The following PDE3A variants were observed in gnomAD, a reference collection of about 807,000 sequenced individuals.
The protein encoded by PDE3A is phosphodiesterase 3A.
Under a neutral mutation model 98.3 loss-of-function variants are expected in PDE3A, and 43 were observed. The observed-to-expected ratio is 0.44, with a 90% confidence interval of 0.34 to 0.56. PDE3A has a LOEUF of 0.56. Among genes scored for constraint, PDE3A ranks in the 20% least tolerant of loss-of-function variants. PDE3A has a pLI of 0.01. For missense variants in PDE3A, 1,427 were observed against 1,440.7 expected (o/e 0.99, Z 0.15); for synonymous variants, 663 against 567.9 (o/e 1.17, Z -2.38).
intron 1 of PDE3A, among the ~76,000 whole-genome samples, chr12:20,485,707 A>G (rs1228157405): frequency 6.6e-6 from 1 of 152,226 alleles, no homozygotes; most frequent in African/African-American, 2.4e-5. Flanking sequence ...CAATGTTCTT[A>G]TAACCTTCTG....
At chr12:20,599,985 C>G (rs1364323311) in intron 2 of PDE3A, among the ~76,000 whole-genome samples, 2 of 152,170 alleles carry the variant, frequency 1.3e-5, no homozygotes, top group African/African-American at 2.4e-5. Flanking sequence ...CCACTGCTGA[C>G]CACTCCTTGC....
Position 20,654,146 on chromosome 12 carries a change from A to G in PDE3A, c.3125A>G (p.Glu1042Gly). 1 of 1,614,108 alleles carries G rather than the reference A, an allele frequency of 6.2e-7. No individual in the cohort carries two copies. Among genetic ancestry groups the G allele is most frequent in the Non-Finnish European group, 8.5e-7 (1 of 1,179,946 alleles). The change falls in exon 15 of 16, where the codon GAG becomes GGG. Residue 1042 changes from glutamate to glycine, a missense_variant. This residue lies in a region of PDE3A where 142 missense variants were observed against 133.9 expected (regional missense o/e 1.06). Transcript: ENST00000359062. The part of the protein sequence containing the change: ...ESGDTDDPEE[E>G]EEEAPAPNEE... ...GGAGATACTGATGACCCAGAAGAAG[A>G]GGAGGAAGAAGCACCAGCACCAAAT...
intron 15 of PDE3A, among the ~76,000 whole-genome samples, chr12:20,677,010 G>A (rs1194616754): frequency 6.6e-6 from 1 of 152,094 alleles, no homozygotes; most frequent in Non-Finnish European, 1.5e-5. Flanking sequence ...AATATGTCAT[G>A]CAAGCTTTGT....
chr12:20,465,188 C>T (rs1400467394), intron 1 of PDE3A, among the ~76,000 whole-genome samples: 1 of 152,088 alleles, frequency 6.6e-6, no homozygotes, highest in Non-Finnish European at 1.5e-5. Context: ...GGTTGCTTAA[C>T]AATTTCTTCT....
rs548662797 is a variant in PDE3A at position 20,685,723 on chromosome 12, G to T, written c.*5452G>T. ...CACACATTGGTATCCTTGGGTTTCT[G>T]CTTCCTTGAAAAGTTGTGGAGCACA... On this transcript the variant is annotated 3_prime_UTR_variant, in exon 16 of 16. Coordinates refer to ENST00000359062, the MANE Select transcript of PDE3A (RefSeq NM_000921.5). 6.6e-6 allele frequency among the ~76,000 whole-genome samples: 1 copy of T among 152,232 alleles called. No individual in the cohort carries two copies. The highest frequency in any genetic ancestry group is 6.5e-5 in the Admixed American group (1 of 15,280).
chr12:20,380,135 C>T (rs796870398), intron 1 of PDE3A, among the ~76,000 whole-genome samples: 3 of 151,980 alleles, frequency 2.0e-5, no homozygotes, highest in African/African-American at 7.2e-5. Context: ...TAGTAGTCTG[C>T]ATTCTTGTTA....
intron 1 of PDE3A, chr12:20,551,585 A>G: frequency 6.5e-7 from 1 of 1,544,748 alleles, no homozygotes; most frequent in Non-Finnish European, 8.8e-7. Context: ...TGCGCCTGCC[A>G]CCTGTGCGGG....
At chr12:20,553,958 A>G (rs1042423306) in intron 1 of PDE3A, among the ~76,000 whole-genome samples, 3 of 151,788 alleles carry the variant, frequency 2.0e-5, no homozygotes, top group South Asian at 2.1e-4. Context: ...TTTTTAACTC[A>G]GCAAGTGAGA....
At chr12:20,476,575 A>G (rs1945535472) in intron 1 of PDE3A, among the ~76,000 whole-genome samples, 1 of 152,230 alleles carries the variant, frequency 6.6e-6, no homozygotes, top group South Asian at 2.1e-4. Context: ...ATTATTGCCT[A>G]TTCCATCTTG....
rs573312520 is a variant in PDE3A, at chr12:20,385,731, T to C, written c.960+15487T>C. ...ACATATTCTCACTCATAGGTGGGAA[T>C]TGAACAATAAGAACACTTGGACACA... is the stretch of plus-strand genomic sequence containing the variant. On this transcript the variant is annotated intron_variant, in intron 1 of 15. Transcript: ENST00000359062. Among the ~76,000 whole-genome samples, 18 of 150,644 alleles carry C rather than the reference T, an allele frequency of 1.2e-4. No homozygotes were observed. In the East Asian group the frequency reaches 1.8e-3, roughly 15 times the overall value.
chr12:20,377,655 C>T (rs1359047958), intron 1 of PDE3A, among the ~76,000 whole-genome samples: 1 of 151,776 alleles, frequency 6.6e-6, no homozygotes, highest in Non-Finnish European at 1.5e-5. Context: ...CTTGATAGCT[C>T]ATTTTTGTAC....
chr12:20,436,190 G>A (rs1944776127), intron 1 of PDE3A, among the ~76,000 whole-genome samples: 1 of 152,102 alleles, frequency 6.6e-6, no homozygotes, highest in Admixed American at 6.6e-5. Flanking sequence ...CCTAAACAGA[G>A]AAGTTGACAG....
At chr12:20,430,404 A>C (rs991992948) in intron 1 of PDE3A, among the ~76,000 whole-genome samples, 3 of 152,214 alleles carry the variant, frequency 2.0e-5, no homozygotes, top group Non-Finnish European at 4.4e-5. Flanking sequence ...GTTTCTGCTG[A>C]GATTAATAAC....
rs144614772 is a variant in PDE3A at position 20,374,086 on chromosome 12, C to G, written c.960+3842C>G. 7.2e-5 allele frequency among the ~76,000 whole-genome samples: 11 copies of G among 152,112 alleles called. No homozygotes were observed. In the East Asian group the frequency reaches 2.1e-3, roughly 29 times the overall value. On this transcript the variant is annotated intron_variant, in intron 1 of 15. Transcript: ENST00000359062. Reference sequence around the variant, plus strand: ...ACTCAGTTTATGGTGATTCAAAGAGCAATATTGATTACTTATGACTTGGTG... The same window carrying G: ...ACTCAGTTTATGGTGATTCAAAGAGGAATATTGATTACTTATGACTTGGTG...
At chr12:20,441,893 GT>G (rs2120846143) in intron 1 of PDE3A, among the ~76,000 whole-genome samples, 1 of 152,158 alleles carries the variant, frequency 6.6e-6, no homozygotes, top group East Asian at 1.9e-4. Context: ...TGCATTTCTT[GT>G]TTCTTCCCAT....
intron 1 of PDE3A, among the ~76,000 whole-genome samples, chr12:20,499,591 T>C (rs1255964688): frequency 3.9e-5 from 6 of 152,342 alleles, no homozygotes; most frequent in African/African-American, 1.4e-4. Context: ...CTTGTTCAAG[T>C]TAATAAGATC....
intron 4 of PDE3A, 24 bp from the exon 5 acceptor site, chr12:20,621,272 A>C: frequency 7.7e-7 from 1 of 1,290,648 alleles, no homozygotes. Flanking sequence ...TTTTCTTTTA[A>C]TTCTGTCTTT....
At chr12:20,495,955 T>C (rs1945911700) in intron 1 of PDE3A, among the ~76,000 whole-genome samples, 1 of 152,202 alleles carries the variant, frequency 6.6e-6, no homozygotes, top group Non-Finnish European at 1.5e-5. Flanking sequence ...ACTAAAGGAA[T>C]TCTACATGTT....
At chr12:20,459,168 C>A (rs190234661) in intron 1 of PDE3A, among the ~76,000 whole-genome samples, 10 of 152,124 alleles carry the variant, frequency 6.6e-5, no homozygotes, top group African/African-American at 2.4e-4. Context: ...GAGTGTGTAT[C>A]AAGTTACTGT....
Sources: allele counts gnomAD v4.1 joint callset (sites outside exome capture counted in the v4.1 genomes callset), GRCh38; gene constraint gnomAD v4.1.1; regional missense constraint gnomAD v4.1.1; transcripts MANE v1.5; gene names NCBI Gene and HGNC (gene_info 2026-07-23, HGNC 2026-07-21).